MAP4K3: variants seen among roughly 807,000 people sequenced by gnomAD.
The protein encoded by MAP4K3 is MAPK/ERK kinase kinase kinase 3.
In MAP4K3, 94 loss-of-function variants were observed where a neutral mutation model predicts 143.5. That is an observed-to-expected ratio of 0.65 (90% CI 0.55 to 0.78). MAP4K3 has a LOEUF of 0.78. Ranked by LOEUF, MAP4K3 falls within the 30% of genes least tolerant of loss-of-function variation. The probability of loss-of-function intolerance (pLI) is 0.00; values close to 1 mark genes in which losing one functional copy is unlikely to be tolerated. For synonymous variants in MAP4K3, 416 were observed against 347.2 expected (o/e 1.20, Z -2.20); for missense variants, 1,077 against 1,068.1 (o/e 1.01, Z -0.12).
intron 24 of MAP4K3, among the ~76,000 whole-genome samples, chr2:39,273,467 G>T (rs533137176): frequency 7.7e-4 from 117 of 152,266 alleles, no homozygotes; most frequent in Non-Finnish European, 1.4e-3. Context: ...TGCTGGGTTT[G>T]CTCTGGCAAT....
intron 2 of MAP4K3, among the ~76,000 whole-genome samples, chr2:39,371,539 T>C (rs888194389): frequency 2.6e-5 from 4 of 152,156 alleles, no homozygotes; most frequent in Non-Finnish European, 5.9e-5. Context: ...CCACAACTTT[T>C]TGAGCACTGA....
chr2:39,340,500 C>T (rs1430805565), intron 4 of MAP4K3, among the ~76,000 whole-genome samples: 1 of 152,100 alleles, frequency 6.6e-6, no homozygotes, highest in East Asian at 1.9e-4. Flanking sequence ...TCAGTATTGA[C>T]GAATTCATAT....
intron 2 of MAP4K3, among the ~76,000 whole-genome samples, chr2:39,370,965 A>AT (rs1666065539): frequency 1.3e-5 from 2 of 152,176 alleles, no homozygotes; most frequent in Middle Eastern, 3.2e-3. Context: ...ATATATATAT[A>AT]AATTCTATTC....
chr2:39,369,398 C>T (rs142318045), intron 2 of MAP4K3, among the ~76,000 whole-genome samples: 7 of 151,794 alleles, frequency 4.6e-5, no homozygotes, highest in East Asian at 1.9e-4. Context: ...CTGCCCGCCT[C>T]GGCCTCCCAA....
chr2:39,293,136 A>C, intron 17 of MAP4K3, 94 bp downstream of exon 17: 1 of 924,490 alleles, frequency 1.1e-6, no homozygotes, highest in Non-Finnish European at 1.7e-6. Flanking sequence ...AAAAAAAGAC[A>C]ACGCAAACAA....
At chr2:39,426,873 C>T (rs181826587) in intron 1 of MAP4K3, among the ~76,000 whole-genome samples, 40 of 151,918 alleles carry the variant, frequency 2.6e-4, no homozygotes, top group Non-Finnish European at 5.0e-4. Context: ...GAATACAACA[C>T]GAGCTCTAAA....
intron 1 of MAP4K3, among the ~76,000 whole-genome samples, chr2:39,417,573 G>A (rs1168329648): frequency 6.6e-6 from 1 of 152,136 alleles, no homozygotes; most frequent in African/African-American, 2.4e-5. Context: ...AATGGGGGAA[G>A]GCCAGAACAA....
chr2:39,327,987 C>A (rs1683548554), intron 8 of MAP4K3, among the ~76,000 whole-genome samples: 1 of 152,168 alleles, frequency 6.6e-6, no homozygotes, highest in African/African-American at 2.4e-5. Context: ...ACTGTTTATT[C>A]CAGTTACATT....
At chr2:39,344,742 A>G (rs942190049) in intron 3 of MAP4K3, among the ~76,000 whole-genome samples, 1 of 152,218 alleles carries the variant, frequency 6.6e-6, no homozygotes, top group African/African-American at 2.4e-5. Context: ...GGGAGGAGAA[A>G]ACATTTAAAT....
At chr2:39,311,935 CAA>C in intron 13 of MAP4K3, among the ~76,000 whole-genome samples, 1 of 152,132 alleles carries the variant, frequency 6.6e-6, no homozygotes, top group Middle Eastern at 3.4e-3. Context: ...ATTATTTAAT[CAA>C]AAGAGATCCA....
At chr2:39,279,022 C>G (rs1402413381) in intron 23 of MAP4K3, among the ~76,000 whole-genome samples, 1 of 152,124 alleles carries the variant, frequency 6.6e-6, no homozygotes, top group Non-Finnish European at 1.5e-5. Flanking sequence ...GGCCATCGTC[C>G]TTTCCATTTT....
At chr2:39,267,447 C>A in intron 26 of MAP4K3, 200 bp from the exon 27 acceptor site, 3 of 526,774 alleles carry the variant, frequency 5.7e-6, no homozygotes, top group Admixed American at 3.1e-5. Context: ...CCGAGGTGGG[C>A]GGATCACAAG....
intron 1 of MAP4K3, among the ~76,000 whole-genome samples, chr2:39,387,370 C>G (rs1666532872): frequency 6.6e-6 from 1 of 152,170 alleles, no homozygotes; most frequent in Non-Finnish European, 1.5e-5. Flanking sequence ...ATGAACACTA[C>G]TGGCAGGTGT....
At chr2:39,265,374 CA>C in intron 27 of MAP4K3, 68 bp from the exon 28 acceptor site, 4 of 945,794 alleles carry the variant, frequency 4.2e-6, no homozygotes, top group Non-Finnish European at 6.8e-6. Context: ...ATTGCATGCT[CA>C]AAAAAACAAA....
chr2:39,310,441 G>A (rs1311171573), intron 13 of MAP4K3, among the ~76,000 whole-genome samples: 1 of 152,042 alleles, frequency 6.6e-6, no homozygotes, highest in Non-Finnish European at 1.5e-5. Flanking sequence ...TTTTATGACT[G>A]AATAATATTC....
chr2:39,346,227 A>T (rs1665288410), intron 3 of MAP4K3, among the ~76,000 whole-genome samples: 1 of 152,140 alleles, frequency 6.6e-6, no homozygotes, highest in African/African-American at 2.4e-5. Flanking sequence ...CTGTATTTCT[A>T]TTAAGTTAGC....
At chr2:39,276,460 C>T (rs1681257988) in intron 24 of MAP4K3, among the ~76,000 whole-genome samples, 2 of 152,160 alleles carry the variant, frequency 1.3e-5, no homozygotes, top group South Asian at 2.1e-4. Context: ...ACTATACAAT[C>T]GGTAGAGAGA....
intron 15 of MAP4K3, among the ~76,000 whole-genome samples, chr2:39,305,863 C>T (rs1167579823): frequency 3.3e-5 from 5 of 151,120 alleles, no homozygotes; most frequent in African/African-American, 9.7e-5. Flanking sequence ...TGGAGTCTCG[C>T]TCTGTTGCCA....
chr2:39,319,739 G>A (rs966574532), intron 12 of MAP4K3, among the ~76,000 whole-genome samples: 1 of 152,112 alleles, frequency 6.6e-6, no homozygotes, highest in Admixed American at 6.6e-5. Context: ...CAGTAGATAA[G>A]AACCTAGACA....
Sources: allele counts gnomAD v4.1 joint callset (sites outside exome capture counted in the v4.1 genomes callset), GRCh38; gene constraint gnomAD v4.1.1; transcripts MANE v1.5; gene names NCBI Gene and HGNC (gene_info 2026-07-23, HGNC 2026-07-21).